Variants in CATSPERD observed in about 807,000 individuals in gnomAD.
CATSPERD encodes the protein cation channel sperm-associated auxiliary subunit delta.
CATSPERD carries 86 observed loss-of-function variants against 98.1 expected under a neutral mutation model. The ratio of observed to expected loss-of-function variants is 0.88; its 90% CI spans 0.74 to 1.05. The LOEUF (loss-of-function observed/expected upper bound fraction) is 1.05. Ranked by LOEUF, CATSPERD falls within the 50% of genes least tolerant of loss-of-function variation. CATSPERD has a pLI of 0.00. For synonymous variants in CATSPERD, 394 were observed against 390.2 expected (o/e 1.01, Z -0.12); for missense variants, 995 against 1,005.7 (o/e 0.99, Z 0.14).
chr19:5,729,937 C>T lies in CATSPERD; in HGVS notation c.269C>T (p.Ser90Leu). 2.6e-6 allele frequency: 4 copies of T among 1,566,078 alleles called. No homozygotes were observed. Among genetic ancestry groups the T allele is most frequent in the Non-Finnish European group, 3.5e-6 (4 of 1,140,188 alleles). ...CTCCTTCCATTTACCATCCCTACAT[C>T]AATGCAGGTAGTTATTTTACTGAGT... ...TSLLPFTIPT[S>L]MQVGVPEVTS... The change falls in exon 4 of 22, where the codon TCA (serine) becomes TTA (leucine). Residue 90 changes from serine to leucine, a missense_variant. Coordinates refer to ENST00000381624, the MANE Select transcript of CATSPERD (RefSeq NM_152784.4).
At chr19:5,740,685 G>A (rs1443323807) in intron 7 of CATSPERD, among the ~76,000 whole-genome samples, 2 of 146,700 alleles carry the variant, frequency 1.4e-5, no homozygotes, top group Admixed American at 1.4e-4. Context: ...AGAATCGCTT[G>A]AACCCGGGAG....
At chr19:5,749,407 G>A (rs985120999) in intron 11 of CATSPERD, among the ~76,000 whole-genome samples, 2 of 152,042 alleles carry the variant, frequency 1.3e-5, no homozygotes, top group African/African-American at 4.8e-5. Flanking sequence ...CAGGAGAATC[G>A]CTTGAGCCTG....
chr19:5,761,711 T>G (rs2056438709), intron 15 of CATSPERD, among the ~76,000 whole-genome samples: 1 of 109,676 alleles, frequency 9.1e-6, no homozygotes, highest in Non-Finnish European at 2.0e-5. Context: ...TTCTTTTTTT[T>G]TTTTTTCTGA....
chr19:5,733,367 C>A lies in CATSPERD; in HGVS notation c.277-489C>A, dbSNP rs1284861898. Among the ~76,000 whole-genome samples, 3 of 144,780 alleles carry A rather than the reference C, an allele frequency of 2.1e-5. No individual in the cohort carries two copies. The South Asian group carries it at 6.4e-4, about 31-fold the overall frequency. 95.0% of individuals were successfully genotyped at this position (144,780 alleles called of 152,430 possible). ...TTCTTTCTTCCTTCCTTCCCTCCTTCCTTCCTTCCCTCCCTCTCTGCCTCC... is the reference window on the plus strand; with the variant it reads ...TTCTTTCTTCCTTCCTTCCCTCCTTACTTCCTTCCCTCCCTCTCTGCCTCC... On this transcript the variant is annotated intron_variant, in intron 4 of 21. Transcript: ENST00000381624.
intron 1 of CATSPERD, among the ~76,000 whole-genome samples, chr19:5,722,888 G>A (rs2055521264): frequency 6.6e-6 from 1 of 152,072 alleles, no homozygotes; most frequent in Non-Finnish European, 1.5e-5. Flanking sequence ...GGTCTGTGAA[G>A]GAGCCTTTAG....
At chr19:5,758,385 T>C (rs2056367061) in intron 14 of CATSPERD, among the ~76,000 whole-genome samples, 1 of 151,808 alleles carries the variant, frequency 6.6e-6, no homozygotes, top group South Asian at 2.1e-4. Context: ...ATTGGGGCCG[T>C]TGTTTCTGTG....
At chr19:5,750,634 G>A (rs928757496) in intron 11 of CATSPERD, among the ~76,000 whole-genome samples, 2 of 149,802 alleles carry the variant, frequency 1.3e-5, no homozygotes, top group South Asian at 2.1e-4. Context: ...CCAGCTACTC[G>A]TGAGGCAGGA....
intron 4 of CATSPERD, among the ~76,000 whole-genome samples, chr19:5,731,864 C>T (rs893631498): frequency 3.3e-5 from 5 of 152,018 alleles, no homozygotes; most frequent in Admixed American, 2.0e-4. Context: ...CGTGAGCCAC[C>T]GCGCCCGGCC....
intron 11 of CATSPERD, among the ~76,000 whole-genome samples, chr19:5,751,373 GA>G (rs1249350761): frequency 3.2e-4 from 46 of 144,704 alleles, no homozygotes; most frequent in African/African-American, 8.9e-4. Flanking sequence ...AAAATACAAA[GA>G]AAAAAAAAAT....
rs1202632800 is a variant in CATSPERD, at chr19:5,776,325, C to A, written c.2096+10C>A. 1 of 1,612,924 alleles carries A rather than the reference C, an allele frequency of 6.2e-7. No individual in the cohort carries two copies. Among genetic ancestry groups the A allele is most frequent in the South Asian group, 1.1e-5 (1 of 90,996 alleles). On this transcript the variant is annotated intron_variant, in intron 21 of 21. Coordinates refer to ENST00000381624, the MANE Select transcript of CATSPERD (RefSeq NM_152784.4). ...TGGATCCGTACTACAGGTGAGTGGGCCCATCTGCCCCTACGACAGGGGACG... is the reference window on the plus strand; with the variant it reads ...TGGATCCGTACTACAGGTGAGTGGGACCATCTGCCCCTACGACAGGGGACG...
chr19:5,761,791 C>T (rs147108343), intron 15 of CATSPERD, among the ~76,000 whole-genome samples: 3,472 of 142,386 alleles, frequency 0.024, 193 homozygotes, highest in African/African-American at 0.078. Context: ...CAATCTCCAC[C>T]TCCTGGGTTC....
At chr19:5,745,265 C>T (rs2056072437) in intron 8 of CATSPERD, among the ~76,000 whole-genome samples, 1 of 151,752 alleles carries the variant, frequency 6.6e-6, no homozygotes, top group Non-Finnish European at 1.5e-5. Context: ...GGTACCATTT[C>T]AGTATGTAAT....
intron 2 of CATSPERD, among the ~76,000 whole-genome samples, chr19:5,726,809 A>G (rs1173309345): frequency 6.6e-6 from 1 of 152,210 alleles, no homozygotes; most frequent in Non-Finnish European, 1.5e-5. Flanking sequence ...TGACATGATC[A>G]TAGTACGAGG....
At position 5,758,838 on chromosome 19, in the gene CATSPERD, C is replaced by A. The variant is rs879912643; in HGVS notation, c.1369-248C>A. On this transcript the variant is annotated intron_variant, in intron 14 of 21. Transcript: ENST00000381624. Reference sequence around the variant, plus strand: ...ACTTGGGAGGATGAGGCAGGAGAATCACTTGAACCAGGGAGGTGGAGGTTG... The same window carrying A: ...ACTTGGGAGGATGAGGCAGGAGAATAACTTGAACCAGGGAGGTGGAGGTTG... Among the ~76,000 whole-genome samples, 60 of 148,154 alleles carry A rather than the reference C, an allele frequency of 4.0e-4. 1 individual carries two copies. Among genetic ancestry groups the A allele is most frequent in the Non-Finnish European group, 7.4e-4 (50 of 67,380 alleles).
chr19:5,737,174 ATTG>A lies in CATSPERD; in HGVS notation c.434_436del (p.Cys145del), dbSNP rs1315915272. ...CCTGTTACACATGTCTCTGGTGATAATTGTTGTTATACTGGAAGTTTGTTTTGT... is the reference window on the plus strand; with the variant it reads ...CCTGTTACACATGTCTCTGGTGATAATTGTTATACTGGAAGTTTGTTTTGT... On this transcript the variant is annotated inframe_deletion, in exon 6 of 22. Transcript: ENST00000381624. 3.1e-6 allele frequency: 5 copies of A among 1,609,372 alleles called. No homozygotes were observed. The highest frequency in any genetic ancestry group is 2.2e-5 in the East Asian group (1 of 44,866).
chr19:5,754,390 TGTC>T (rs2056284928), intron 13 of CATSPERD, 145 bp downstream of exon 13: 3 of 456,104 alleles, frequency 6.6e-6, no homozygotes, highest in East Asian at 3.7e-5. Context: ...ATTGTCTCTG[TGTC>T]TTTTTTTTTT....
chr19:5,749,444 C>T (rs1395878332), intron 11 of CATSPERD, among the ~76,000 whole-genome samples: 1 of 151,308 alleles, frequency 6.6e-6, no homozygotes, highest in Non-Finnish European at 1.5e-5. Context: ...TCTGTCTCAA[C>T]AACAACAACG....
At chr19:5,768,930 G>A (rs2056594767) in intron 18 of CATSPERD, among the ~76,000 whole-genome samples, 1 of 152,022 alleles carries the variant, frequency 6.6e-6, no homozygotes, top group South Asian at 2.1e-4. Context: ...GAGGTAGGCG[G>A]ATCACTTGAG....
chr19:5,732,213 G>T (rs1223236876), intron 4 of CATSPERD, among the ~76,000 whole-genome samples: 1 of 151,654 alleles, frequency 6.6e-6, no homozygotes, highest in Non-Finnish European at 1.5e-5. Flanking sequence ...GACCTCAGGT[G>T]ATCCGTCTTG....
Sources: allele counts gnomAD v4.1 joint callset (sites outside exome capture counted in the v4.1 genomes callset), GRCh38; gene constraint gnomAD v4.1.1; transcripts MANE v1.5; gene names NCBI Gene and HGNC (gene_info 2026-07-23, HGNC 2026-07-21).